Variants in POLR1A observed in about 807,000 individuals in gnomAD.
The protein encoded by POLR1A is DNA-directed RNA polymerase I subunit RPA1.
In POLR1A, 84 loss-of-function variants were observed where a neutral mutation model predicts 205.3. The observed-to-expected ratio is 0.41, with a 90% CI of 0.34 to 0.49. POLR1A has a LOEUF of 0.49. POLR1A is among the 20% of genes least tolerant of loss of function. The pLI is 0.22. For synonymous variants in POLR1A, 799 were observed against 863.7 expected, an observed-to-expected ratio of 0.93 and a Z score of 1.31; for missense variants, 1,645 against 2,204.5, an observed-to-expected ratio of 0.75 and a Z score of 5.08.
At chr2:86,083,446 T>G (rs1226402578) in intron 6 of POLR1A, among the ~76,000 whole-genome samples, 1 of 152,148 alleles carries the variant, frequency 6.6e-6, no homozygotes, top group Non-Finnish European at 1.5e-5. Context: ...CCTATCACTT[T>G]TATATATTGT....
Position 86,037,859 on chromosome 2 carries a change from G to GC in POLR1A, c.4034+840dup, listed in dbSNP as rs1265121360. On this transcript the variant is annotated intron_variant, in intron 27 of 33. Transcript: ENST00000263857. Reference sequence around the variant, plus strand: ...CTTTCTTTTTAAATCAAAAGATGTGGCCCCCCGGGCCTCCATTCCTGCATA... The same window carrying GC: ...CTTTCTTTTTAAATCAAAAGATGTGGCCCCCCCGGGCCTCCATTCCTGCATA... Among the ~76,000 whole-genome samples, 7 of 152,310 alleles carry GC rather than the reference G, an allele frequency of 4.6e-5. No homozygotes were observed. The South Asian group carries it at 1.5e-3, about 32-fold the overall frequency.
chr2:86,078,276 G>A lies in POLR1A; in HGVS notation c.1095C>T (p.Asp365=), dbSNP rs374191012. Residue 365 remains aspartate (D), a synonymous_variant, in exon 10 of 34, where the codon GAC becomes GAT. Coordinates refer to ENST00000263857, the MANE Select transcript of POLR1A (RefSeq NM_015425.6). The part of the protein sequence containing the change: ...VATPTTDEEK[D]SLIAIDRSFL... Reference sequence around the variant, plus strand: ...AGGATCGGTCAATAGCAATCAAAGAGTCTTTTTCCTGGAAGATGAAACCAA... The same window carrying A: ...AGGATCGGTCAATAGCAATCAAAGAATCTTTTTCCTGGAAGATGAAACCAA... The A allele has an allele frequency of 6.4e-7, 1 of 1,563,694 alleles. No homozygotes were observed. Among genetic ancestry groups the A allele is most frequent in the Admixed American group, 2.2e-5 (1 of 46,178 alleles).
chr2:86,078,475 A>G (rs1673338049), intron 9 of POLR1A, among the ~76,000 whole-genome samples, 191 bp from the exon 10 acceptor site: 1 of 152,246 alleles, frequency 6.6e-6, no homozygotes, highest in Admixed American at 6.5e-5. Context: ...AAGACATATC[A>G]GCACTATTAT....
chr2:86,091,898 G>A (rs1260068808), intron 3 of POLR1A, among the ~76,000 whole-genome samples: 2 of 152,114 alleles, frequency 1.3e-5, no homozygotes, highest in African/African-American at 4.8e-5. Flanking sequence ...CAGATCACCT[G>A]AGGTCAGGAG....
chr2:86,038,594 G>C lies in POLR1A; in HGVS notation c.4034+106C>G. 2.7e-6 allele frequency: 3 copies of C among 1,128,086 alleles called. No homozygotes were observed. The South Asian group carries it at 4.3e-5, about 16-fold the overall frequency. The allele number at this position is 1,128,086 out of a possible 1,614,324, so 69.9% of individuals were successfully genotyped here. ...CACTTCCCTTGAAGGGCTCATTTGG[G>C]CAAAGGCACTCAATCTCTAGGAGCC... On this transcript the variant is annotated intron_variant, in intron 27 of 33. Transcript: ENST00000263857.
At chr2:86,061,851 G>A (rs1487816045) in intron 14 of POLR1A, among the ~76,000 whole-genome samples, 1 of 152,126 alleles carries the variant, frequency 6.6e-6, no homozygotes, top group East Asian at 1.9e-4. Context: ...GGGAGGGGCC[G>A]TGGAGGGGTC....
At chr2:86,054,030 G>T in intron 15 of POLR1A, 110 bp downstream of exon 15, 1 of 1,079,544 alleles carries the variant, frequency 9.3e-7, no homozygotes, top group Non-Finnish European at 1.4e-6. Flanking sequence ...TCTCTTCTGA[G>T]GCACAGTACC....
chr2:86,085,375 C>T (rs1468513494), intron 6 of POLR1A, among the ~76,000 whole-genome samples: 5 of 152,066 alleles, frequency 3.3e-5, no homozygotes, highest in Non-Finnish European at 7.3e-5. Flanking sequence ...GTTTTGATGT[C>T]GATAAAAGCA....
intron 27 of POLR1A, among the ~76,000 whole-genome samples, chr2:86,037,818 G>C (rs1433457412): frequency 6.6e-6 from 1 of 152,240 alleles, no homozygotes; most frequent in African/African-American, 2.4e-5. Context: ...AACGTAGGGG[G>C]TGGGAAGCTT....
intron 33 of POLR1A, 131 bp downstream of exon 33, chr2:86,027,754 C>T: frequency 1.9e-6 from 2 of 1,063,524 alleles, no homozygotes; most frequent in Non-Finnish European, 2.8e-6. Flanking sequence ...CCCCCTCCAG[C>T]CGCCCCCGCT....
intron 3 of POLR1A, among the ~76,000 whole-genome samples, chr2:86,094,424 C>T (rs905256369): frequency 1.3e-5 from 2 of 152,182 alleles, no homozygotes; most frequent in African/African-American, 4.8e-5. Context: ...TGGACATGTC[C>T]AATCGTTCTT....
At chr2:86,051,865 C>G (rs547825748) in intron 16 of POLR1A, among the ~76,000 whole-genome samples, 21 of 152,226 alleles carry the variant, frequency 1.4e-4, no homozygotes, top group Non-Finnish European at 1.9e-4. Flanking sequence ...GGGGTGCAAA[C>G]AAGGTAGTTC....
intron 11 of POLR1A, 37 bp from the exon 12 acceptor site, chr2:86,075,297 G>A (rs1274420479): frequency 6.8e-6 from 10 of 1,470,428 alleles, no homozygotes; most frequent in Admixed American, 1.9e-5. Flanking sequence ...TTCAGGGCAG[G>A]GATAAAAAAA....
At chr2:86,083,237 T>C in intron 6 of POLR1A, 69 bp from the exon 7 acceptor site, 1 of 1,101,556 alleles carries the variant, frequency 9.1e-7, no homozygotes, top group Non-Finnish European at 1.4e-6. Context: ...ATGGGATTTA[T>C]CAATTCTTTA....
chr2:86,070,697 C>A lies in POLR1A; in HGVS notation c.1612-425G>T, dbSNP rs1399462618. 1.6e-4 allele frequency among the ~76,000 whole-genome samples: 4 copies of A among 24,916 alleles called. No homozygotes were observed. Among genetic ancestry groups the A allele is most frequent in the African/African-American group, 3.2e-4 (4 of 12,484 alleles). The allele number at this position is 24,916 out of a possible 152,430, so 16.3% of individuals were successfully genotyped here. On this transcript the variant is annotated intron_variant, in intron 12 of 33. Transcript: ENST00000263857. This position sits in a 1 kb window ranked among gnomAD's most constrained non-coding sequence, Gnocchi z 4.4. ...AAAGGCATTGGCAGACTTTCGAATC[C>A]CCCCCCCGCCGTGATCACATGTGAG...
chr2:86,038,986 C>A (rs1672549806), intron 26 of POLR1A, 129 bp from the exon 27 acceptor site: 5 of 819,298 alleles, frequency 6.1e-6, no homozygotes, highest in South Asian at 5.0e-5. Flanking sequence ...CCCAAAGAAA[C>A]CCTGGTGAGC....
intron 33 of POLR1A, among the ~76,000 whole-genome samples, 156 bp downstream of exon 33, chr2:86,027,729 G>T (rs557826915): frequency 6.6e-6 from 1 of 152,154 alleles, no homozygotes; most frequent in East Asian, 1.9e-4. Flanking sequence ...GGCAGCTGTC[G>T]TGTCTGCTGT....
chr2:86,078,356 C>G, intron 9 of POLR1A, 72 bp from the exon 10 acceptor site: 1 of 1,245,746 alleles, frequency 8.0e-7, no homozygotes, highest in Non-Finnish European at 1.1e-6. Flanking sequence ...TTTAATTTTT[C>G]TTTCTTACCC....
At chr2:86,068,387 G>GGGGT (rs1030290365) in intron 13 of POLR1A, among the ~76,000 whole-genome samples, 1 of 26,790 alleles carries the variant, frequency 3.7e-5, no homozygotes, top group African/African-American at 8.4e-5. Flanking sequence ...GCACATGGGC[G>GGGGT]GGGGGGGGGG....
Sources: gnomAD v4.1 joint callset for allele counts (sites outside exome capture counted in the v4.1 genomes callset) on GRCh38, gnomAD v4.1.1 for gene constraint, Gnocchi (gnomAD v3.1) non-coding constraint, MANE v1.5 for transcripts, NCBI Gene and HGNC (gene_info 2026-07-23, HGNC 2026-07-21) for gene names.